Variants in TG observed in about 807,000 individuals in gnomAD.
TG encodes thyroglobulin.
A neutral mutation model predicts 324.7 loss-of-function variants in TG; 270 were observed. That is an observed-to-expected ratio of 0.83 (90% CI 0.75 to 0.92). The LOEUF (loss-of-function observed/expected upper bound fraction) is 0.92. Among genes scored for constraint, TG ranks in the 40% least tolerant of loss-of-function variants. TG has a pLI of 0.00. For synonymous variants in TG, 1,401 were observed against 1,327.0 expected, an observed-to-expected ratio of 1.06 and a Z score of -1.21; for missense variants, 3,591 against 3,456.4, an observed-to-expected ratio of 1.04 and a Z score of -0.98.
intron 23 of TG, among the ~76,000 whole-genome samples, chr8:132,932,117 A>ATT (rs35270204): frequency 1.3e-5 from 2 of 151,198 alleles, no homozygotes; most frequent in East Asian, 1.9e-4. Context: ...AAACAGAATT[A>ATT]TTTTTTTGGG....
chr8:133,061,301 G>A (rs1277497571), intron 41 of TG, among the ~76,000 whole-genome samples: 2 of 152,206 alleles, frequency 1.3e-5, no homozygotes, highest in Non-Finnish European at 2.9e-5. Context: ...AAGCCTCCAT[G>A]CCTGGCCAAG....
chr8:132,910,552 G>T (rs1220307013), intron 18 of TG, among the ~76,000 whole-genome samples: 1 of 151,740 alleles, frequency 6.6e-6, no homozygotes, highest in African/African-American at 2.4e-5. Context: ...AGGTCATGAG[G>T]GTGCAGCCCT....
chr8:132,996,099 C>T (rs1443112939), intron 35 of TG, among the ~76,000 whole-genome samples: 3 of 152,150 alleles, frequency 2.0e-5, no homozygotes, highest in Admixed American at 6.5e-5. Flanking sequence ...TTTGGCTCAC[C>T]GGTCACAAGT....
chr8:133,123,772 A>G (rs1311961375), intron 45 of TG, among the ~76,000 whole-genome samples: 1 of 152,130 alleles, frequency 6.6e-6, no homozygotes, highest in Non-Finnish European at 1.5e-5. Context: ...AGAAGAGAGC[A>G]CCGGTTTGTT....
rs536526810 is a variant in TG at position 133,006,175 on chromosome 8, A to G, written c.6263-5726A>G. Among the ~76,000 whole-genome samples the G allele has an allele frequency of 9.8e-5, 15 of 152,358 alleles. No homozygotes were observed. The East Asian group carries it at 2.9e-3, about 29-fold the overall frequency. ...TCAGAGTAGTTAAGGGACTTGCCTG[A>G]GGACACACAGTGTCAGGCTGAGTGA... On this transcript the variant is annotated intron_variant, in intron 35 of 47. Coordinates refer to ENST00000220616, the MANE Select transcript of TG (RefSeq NM_003235.5).
intron 35 of TG, among the ~76,000 whole-genome samples, chr8:133,001,230 G>T (rs1587729920): frequency 6.6e-6 from 1 of 152,304 alleles, no homozygotes; most frequent in African/African-American, 2.4e-5. Context: ...TTTTGGGGGG[G>T]ACACAGTTCA....
intron 24 of TG, 91 bp from the exon 25 acceptor site, chr8:132,935,665 G>T (rs1823476447): frequency 8.6e-7 from 1 of 1,157,202 alleles, no homozygotes; most frequent in African/African-American, 1.5e-5. Context: ...TGTAGCCCTG[G>T]TGCCTAGCCA....
At chr8:132,876,745 CA>C (rs1407716760) in intron 5 of TG, among the ~76,000 whole-genome samples, 1 of 152,190 alleles carries the variant, frequency 6.6e-6, no homozygotes, top group Non-Finnish European at 1.5e-5. Flanking sequence ...CTAGCCCAAC[CA>C]GTAACTGTGG....
intron 41 of TG, chr8:133,049,862 G>A (rs771268381): frequency 1.8e-5 from 22 of 1,232,660 alleles, no homozygotes; most frequent in Non-Finnish European, 2.2e-5. Flanking sequence ...ACCAGCATAC[G>A]CATCATGCTT....
chr8:133,096,476 A>G (rs1848432341), intron 43 of TG, 103 bp downstream of exon 43: 2 of 1,365,964 alleles, frequency 1.5e-6, no homozygotes, highest in South Asian at 1.2e-5. Context: ...ATTGCTGAGT[A>G]ACTACTGTGT....
At chr8:132,883,504 A>G (rs1027169614) in intron 8 of TG, among the ~76,000 whole-genome samples, 1 of 152,194 alleles carries the variant, frequency 6.6e-6, no homozygotes, top group Non-Finnish European at 1.5e-5. Flanking sequence ...TGATATGCTA[A>G]TGATCATCTA....
At chr8:133,024,004 T>G (rs141946040) in intron 40 of TG, among the ~76,000 whole-genome samples, 37 of 152,374 alleles carry the variant, frequency 2.4e-4, no homozygotes, top group African/African-American at 8.7e-4. Context: ...GTTACACTTA[T>G]GGAGTGTGTC....
chr8:133,015,129 T>C (rs566563485), intron 37 of TG, among the ~76,000 whole-genome samples: 28 of 152,212 alleles, frequency 1.8e-4, no homozygotes, highest in Non-Finnish European at 3.7e-4. Context: ...TGCCTCAGCC[T>C]CCCAAACTGC....
intron 41 of TG, 107 bp downstream of exon 41, chr8:133,030,130 T>C: frequency 7.4e-7 from 1 of 1,356,050 alleles, no homozygotes; most frequent in South Asian, 1.2e-5. Flanking sequence ...GGGTTTCCCT[T>C]GTCCTTTGTC....
intron 35 of TG, among the ~76,000 whole-genome samples, chr8:132,991,444 G>A (rs146678359): frequency 1.3e-5 from 2 of 152,326 alleles, no homozygotes; most frequent in African/African-American, 4.8e-5. Flanking sequence ...AGGCCCAGGT[G>A]AGTGGCCACT....
chr8:132,977,441 G>A (rs1395292527), intron 34 of TG, among the ~76,000 whole-genome samples: 2 of 152,136 alleles, frequency 1.3e-5, no homozygotes, highest in East Asian at 1.9e-4. Context: ...TGATGACTAT[G>A]AGCCCATTAA....
intron 24 of TG, among the ~76,000 whole-genome samples, chr8:132,935,164 A>T (rs1823393298): frequency 6.8e-6 from 1 of 147,372 alleles, no homozygotes; most frequent in Non-Finnish European, 1.5e-5. Context: ...CTTTTGAGAC[A>T]GAGTTTCACT....
intron 17 of TG, among the ~76,000 whole-genome samples, chr8:132,907,471 CCCACTCTGGGA>C (rs1005169450): frequency 6.6e-6 from 1 of 152,118 alleles, no homozygotes; most frequent in African/African-American, 2.4e-5. Context: ...ACACACTGAA[CCCACTCTGGGA>C]CCTGGCACTT....
At chr8:132,953,270 G>A (rs747766658) in intron 27 of TG, among the ~76,000 whole-genome samples, 10 of 152,292 alleles carry the variant, frequency 6.6e-5, no homozygotes, top group Middle Eastern at 3.4e-3. Context: ...CCAGGCTGGA[G>A]CAGCCCCTGT....
Sources: gnomAD v4.1 joint callset for allele counts (sites outside exome capture counted in the v4.1 genomes callset) on GRCh38, gnomAD v4.1.1 for gene constraint, MANE v1.5 for transcripts, NCBI Gene and HGNC (gene_info 2026-07-23, HGNC 2026-07-21) for gene names.